ATAD2B: variants seen among roughly 807,000 people sequenced by gnomAD.
The protein encoded by ATAD2B is ATPase family AAA domain-containing protein 2B.
In ATAD2B, 40 loss-of-function variants were observed where a neutral mutation model predicts 167.6. That is an observed-to-expected ratio of 0.24 (90% CI 0.19 to 0.31). The LOEUF (loss-of-function observed/expected upper bound fraction) is 0.31, where lower values mean the gene tolerates loss of function less well. Ranked by LOEUF, ATAD2B falls within the 10% of genes least tolerant of loss-of-function variation. The pLI is 1.00. For synonymous variants in ATAD2B, 579 were observed against 596.5 expected, an observed-to-expected ratio of 0.97 and a Z score of 0.43; for missense variants, 1,242 against 1,757.2, an observed-to-expected ratio of 0.71 and a Z score of 5.24.
chr2:23,817,415 C>G (rs1686615280), intron 17 of ATAD2B, among the ~76,000 whole-genome samples: 2 of 152,156 alleles, frequency 1.3e-5, no homozygotes, highest in Admixed American at 1.3e-4. Context: ...AAGCAAGTAT[C>G]TAATTTGTAA....
chr2:23,821,766 T>A (rs1166937307), intron 16 of ATAD2B, among the ~76,000 whole-genome samples: 1 of 152,208 alleles, frequency 6.6e-6, no homozygotes, highest in Admixed American at 6.5e-5. Context: ...TCAATGTAAT[T>A]TTTAAATGTT....
chr2:23,851,768 C>T (rs1277813233), intron 13 of ATAD2B, among the ~76,000 whole-genome samples: 1 of 152,052 alleles, frequency 6.6e-6, no homozygotes, highest in Non-Finnish European at 1.5e-5. Context: ...GCCTACAAAT[C>T]CCCCTCAGTC....
chr2:23,728,108 C>T, the ATAD2B span, among the ~76,000 whole-genome samples: 1 of 152,038 alleles, frequency 6.6e-6, no homozygotes, highest in Non-Finnish European at 1.5e-5. Flanking sequence ...ACAAATGCAT[C>T]ACACTAATGC....
chr2:23,880,887 A>G, intron 6 of ATAD2B, 132 bp from the exon 7 acceptor site: 1 of 617,544 alleles, frequency 1.6e-6, no homozygotes, highest in South Asian at 2.1e-5. Flanking sequence ...GTGCCAACAT[A>G]TTACGTAAAG....
chr2:23,706,451 C>CTAA, the ATAD2B span: 1 of 1,436,176 alleles, frequency 7.0e-7, no homozygotes, highest in Non-Finnish European at 9.1e-7. Context: ...AAGTGAAATG[C>CTAA]CTAACTCTGT....
the ATAD2B span, among the ~76,000 whole-genome samples, chr2:23,720,838 G>A: frequency 6.6e-6 from 1 of 152,042 alleles, no homozygotes; most frequent in Non-Finnish European, 1.5e-5. Context: ...AACACAAAGT[G>A]TGCCCTCCAC....
chr2:23,762,142 A>G (rs1226784003), intron 24 of ATAD2B, 67 bp downstream of exon 24: 2 of 1,530,342 alleles, frequency 1.3e-6, no homozygotes, highest in Admixed American at 1.9e-5. Context: ...TTTGTACCCA[A>G]TTCCTAACAT....
At chr2:23,821,900 C>T (rs1436298600) in intron 16 of ATAD2B, among the ~76,000 whole-genome samples, 1 of 152,134 alleles carries the variant, frequency 6.6e-6, no homozygotes, top group Non-Finnish European at 1.5e-5. Context: ...GTGATCCACC[C>T]GCCTTGGCCT....
At chr2:23,907,894 T>C (rs550509506) in intron 1 of ATAD2B, among the ~76,000 whole-genome samples, 1 of 152,276 alleles carries the variant, frequency 6.6e-6, no homozygotes, top group South Asian at 2.1e-4. Context: ...GGGGAAAGGA[T>C]TCCCTATTTA....
chr2:23,719,419 G>T, the ATAD2B span, among the ~76,000 whole-genome samples: 11 of 152,104 alleles, frequency 7.2e-5, no homozygotes, highest in African/African-American at 2.7e-4. Flanking sequence ...GAAATTCTCA[G>T]CTCCAAAATG....
At chr2:23,681,404 G>C in the ATAD2B span, among the ~76,000 whole-genome samples, 1 of 152,230 alleles carries the variant, frequency 6.6e-6, no homozygotes, top group Non-Finnish European at 1.5e-5. The surrounding 1 kb of genome is among the most constrained non-coding windows in gnomAD (Gnocchi z 4.2). Context: ...TCCTGGAGCA[G>C]AAGGTGTCAC....
rs1677294372 is a variant in ATAD2B at position 23,765,581 on chromosome 2, C to T, written c.3181G>A (p.Ala1061Thr). The T allele has an allele frequency of 6.4e-7, 1 of 1,566,406 alleles. No homozygotes were observed. The highest frequency in any genetic ancestry group is 8.7e-7 in the Non-Finnish European group (1 of 1,151,080). The change falls in exon 23 of 28, where the codon GCT (alanine) becomes ACT (threonine). Residue 1061 changes from alanine (A) to threonine (T), a missense_variant. Physicochemically the swap from Ala to Thr is moderately conservative, Grantham distance 58. Transcript: ENST00000238789. ...RACTLKDTAH[A>T]IIAAELDPEF... ...GGATCTAATTCAGCTGCAATGATAG[C>T]ATGTGCAGTGTCCTTCAGGGTACAA...
chr2:23,912,673 T>C (rs1243173026), intron 1 of ATAD2B, among the ~76,000 whole-genome samples: 1 of 151,910 alleles, frequency 6.6e-6, no homozygotes, highest in Non-Finnish European at 1.5e-5. Context: ...ACAAAAATAA[T>C]TTCAACAACA....
In ATAD2B at chr2:23,845,085, G is replaced by T. The variant is rs778177133; in HGVS notation, c.1569-11007C>A. ...AGAAAGACCAACATCTTTAAAGCAC[G>T]GAAAGAAAAAGAAAAAAGTGTCGAC... On this transcript the variant is annotated intron_variant, in intron 13 of 27. Coordinates refer to ENST00000238789, the MANE Select transcript of ATAD2B (RefSeq NM_017552.4). 3.9e-5 allele frequency among the ~76,000 whole-genome samples: 6 copies of T among 152,050 alleles called. No homozygotes were observed. The South Asian group carries it at 1.2e-3, about 32-fold the overall frequency.
Position 23,885,954 on chromosome 2 carries a change from TG to T in ATAD2B, c.573-126del, listed in dbSNP as rs1487980068. On this transcript the variant is annotated intron_variant, in intron 4 of 27. Coordinates refer to ENST00000238789, the MANE Select transcript of ATAD2B (RefSeq NM_017552.4). Reference sequence around the variant, plus strand: ...CTACACACAACTTTTTTTTCTTTTTTGTTTTTTTTAGATAGAGTGTCCCTCT... The same window carrying T: ...CTACACACAACTTTTTTTTCTTTTTTTTTTTTTTAGATAGAGTGTCCCTCT... 4.3e-5 allele frequency: 26 copies of T among 599,490 alleles called. No homozygotes were observed. In the South Asian group the frequency reaches 4.7e-4, roughly 11 times the overall value. 37.1% of individuals were successfully genotyped at this position (599,490 alleles called of 1,614,324 possible). A position where few individuals can be genotyped will look rare whatever the true frequency, so the allele number is the denominator to read the frequency against.
intron 22 of ATAD2B, among the ~76,000 whole-genome samples, chr2:23,781,999 A>T (rs945023095): frequency 6.6e-6 from 1 of 152,050 alleles, no homozygotes; most frequent in Non-Finnish European, 1.5e-5. Context: ...ATTTTTTTGT[A>T]GAGGCGAGGT....
the ATAD2B span, among the ~76,000 whole-genome samples, chr2:23,688,317 C>T: frequency 6.6e-6 from 1 of 152,198 alleles, no homozygotes; most frequent in Admixed American, 6.5e-5. Flanking sequence ...GAGCTGGGTA[C>T]CAGCCACCTG....
chr2:23,780,937 A>C (rs1679930753), intron 22 of ATAD2B, among the ~76,000 whole-genome samples: 2 of 152,156 alleles, frequency 1.3e-5, no homozygotes, highest in Non-Finnish European at 2.9e-5. Flanking sequence ...ATTATACTCT[A>C]AATATCTTTA....
chr2:23,861,201 G>A (rs1253921917), intron 12 of ATAD2B, among the ~76,000 whole-genome samples: 1 of 149,012 alleles, frequency 6.7e-6, no homozygotes, highest in Admixed American at 6.7e-5. Context: ...AAAGGAGGTA[G>A]GGCATATTAC....
Sources: allele counts gnomAD v4.1 joint callset (sites outside exome capture counted in the v4.1 genomes callset), GRCh38; gene constraint gnomAD v4.1.1; non-coding constraint Gnocchi (gnomAD v3.1); transcripts MANE v1.5; gene names NCBI Gene and HGNC (gene_info 2026-07-23, HGNC 2026-07-21).